Variants in ANXA9 observed in about 807,000 individuals in gnomAD.
ANXA9 encodes annexin 31.
A neutral mutation model predicts 51.8 loss-of-function variants in ANXA9; 47 were observed. The ratio of observed to expected loss-of-function variants is 0.91; its 90% confidence interval spans 0.72 to 1.16. ANXA9 has a LOEUF of 1.16. Among genes scored for constraint, ANXA9 ranks in the 50% most tolerant of loss-of-function variants. The probability of loss-of-function intolerance (pLI) is 0.00; values close to 1 mark genes in which losing one functional copy is unlikely to be tolerated. For synonymous variants in ANXA9, 154 were observed against 168.7 expected, an observed-to-expected ratio of 0.91 and a Z score of 0.68; for missense variants, 361 against 424.7, an observed-to-expected ratio of 0.85 and a Z score of 1.32.
chr1:150,978,921 G>A (rs182906664), upstream of ANXA9, among the ~76,000 whole-genome samples: 5 of 151,970 alleles, frequency 3.3e-5, no homozygotes, highest in Admixed American at 6.6e-5. Context: ...CCGAGATCGC[G>A]CCATTGCACT....
chr1:150,984,159 C>A (rs1671492710), intron 5 of ANXA9, 90 bp downstream of exon 5: 2 of 1,533,974 alleles, frequency 1.3e-6, no homozygotes, highest in East Asian at 4.5e-5. Flanking sequence ...TGAGGCCAGC[C>A]CCTGCTTCCT....
chr1:150,988,260 C>T (rs1374766008), intron 11 of ANXA9, 23 bp from the exon 12 acceptor site: 1 of 1,614,120 alleles, frequency 6.2e-7, no homozygotes, highest in Admixed American at 1.7e-5. Flanking sequence ...TGTGAACCTC[C>T]ATCCTTCCAT....
intron 12 of ANXA9, among the ~76,000 whole-genome samples, chr1:150,989,082 C>A (rs1042053667): frequency 1.3e-5 from 2 of 151,634 alleles, no homozygotes; most frequent in Non-Finnish European, 2.9e-5. Flanking sequence ...TGGATTCAAG[C>A]GATTTTCCTG....
At position 150,983,200 on chromosome 1, in the gene ANXA9, T is replaced by C; in HGVS notation, c.75+20T>C. On this transcript the variant is annotated intron_variant, in intron 3 of 13. Coordinates refer to ENST00000368947, the MANE Select transcript of ANXA9 (RefSeq NM_003568.3). ...AGCAAGGTAGGGGCTGTTGGGATTT[T>C]AGAGATCACTTTTAGTATCTCAGCT... The C allele has an allele frequency of 6.2e-7, 1 of 1,612,784 alleles. No individual in the cohort carries two copies. The highest frequency in any genetic ancestry group is 8.5e-7 in the Non-Finnish European group (1 of 1,179,156).
At position 150,994,626 on chromosome 1, in the gene ANXA9, G is replaced by A. The variant is rs1558042352; in HGVS notation, c.902G>A (p.Cys301Tyr). The A allele has an allele frequency of 6.2e-7, 1 of 1,614,062 alleles. No individual in the cohort carries two copies. Among genetic ancestry groups the A allele is most frequent in the Admixed American group, 1.7e-5 (1 of 60,010 alleles). The stretch of plus-strand genomic sequence containing the variant: ...CTGATTCGCATCCTTATCTCTCGAT[G>A]TGAGACTGACCTTCTGAGTATCAGA... ...QVLIRILISR[C>Y]ETDLLSIRAE... Residue 301 changes from cysteine (C) to tyrosine (Y), a missense_variant, in exon 13 of 14, where the codon TGT becomes TAT. Cys to Tyr is a radical substitution (Grantham distance 194). Transcript: ENST00000368947.
intron 7 of ANXA9, 66 bp downstream of exon 7, chr1:150,984,742 C>A: frequency 7.2e-7 from 1 of 1,388,158 alleles, no homozygotes; most frequent in Non-Finnish European, 1.0e-6. Context: ...CACTCCTCTC[C>A]TGTACTCCCC....
At chr1:150,989,506 C>T (rs966030827) in intron 12 of ANXA9, among the ~76,000 whole-genome samples, 4 of 151,862 alleles carry the variant, frequency 2.6e-5, no homozygotes, top group Non-Finnish European at 5.9e-5. Context: ...GCCTGGCCAA[C>T]GTGGTGAAAC....
chr1:150,984,359 C>G lies in ANXA9; in HGVS notation c.346C>G (p.Gln116Glu). The G allele has an allele frequency of 2.5e-6, 4 of 1,614,170 alleles. No homozygotes were observed. Among genetic ancestry groups the G allele is most frequent in the Non-Finnish European group, 1.7e-6 (2 of 1,180,038 alleles). The change falls in exon 6 of 14, where the codon CAG becomes GAG. Residue 116 changes from glutamine to glutamate, a missense_variant. Transcript: ENST00000368947. ...GATGGCTCTGCTGCAGCCCACAGCC[C>G]AGTTTGACGCCCAGGAATTGAGGAC... ...IVMALLQPTA[Q>E]FDAQELRTAL... is the part of the protein sequence containing the mutation.
chr1:150,993,671 C>G (rs1052703100), intron 12 of ANXA9, among the ~76,000 whole-genome samples: 2 of 108,004 alleles, frequency 1.9e-5, no homozygotes, highest in African/African-American at 3.6e-5. Context: ...TTTTGCTCTT[C>G]TTGCCCAGGT....
Position 150,987,967 on chromosome 1 carries a change from GC to G in ANXA9, c.697+13del, listed in dbSNP as rs1217786657. On this transcript the variant is annotated intron_variant, in intron 10 of 13. Coordinates refer to ENST00000368947, the MANE Select transcript of ANXA9 (RefSeq NM_003568.3). ...AACACCTCATCCGAGGTACACACAA[GC>G]CTTCTTGTCCCCCTAGCTTGCTCTA... The G allele has an allele frequency of 2.5e-6, 4 of 1,613,992 alleles. No individual in the cohort carries two copies. The highest frequency in any genetic ancestry group is 3.3e-5 in the Admixed American group (2 of 59,964).
At chr1:150,985,972 A>C in intron 7 of ANXA9, among the ~76,000 whole-genome samples, 1 of 148,170 alleles carries the variant, frequency 6.7e-6, no homozygotes, top group Non-Finnish European at 1.5e-5. Flanking sequence ...CTCATATCCC[A>C]CCTCTCATAT....
rs587605253 is a variant in ANXA9 at position 150,990,705 on chromosome 1, G to C, written c.852+2364G>C. Among the ~76,000 whole-genome samples, 4 of 152,272 alleles carry C rather than the reference G, an allele frequency of 2.6e-5. 1 individual carries two copies. The South Asian group carries it at 8.3e-4, about 32-fold the overall frequency. On this transcript the variant is annotated intron_variant, in intron 12 of 13. Coordinates refer to ENST00000368947, the MANE Select transcript of ANXA9 (RefSeq NM_003568.3). ...CTACTAAAAATACAAAAATTAGCCA[G>C]GGGGTAGTGGTGAGCGCCTGTAATC...
chr1:150,981,594 A>G (rs1191817900), upstream of ANXA9, among the ~76,000 whole-genome samples: 1 of 152,226 alleles, frequency 6.6e-6, no homozygotes, highest in African/African-American at 2.4e-5. Context: ...AACAGAAGCA[A>G]TCTAAGAAAC....
chr1:150,985,897 TC>T (rs1240575395), intron 7 of ANXA9, among the ~76,000 whole-genome samples: 3 of 151,960 alleles, frequency 2.0e-5, no homozygotes, highest in Non-Finnish European at 4.4e-5. Flanking sequence ...TCTCCTACCT[TC>T]CTTCCTTCTT....
rs16832602 is a variant in ANXA9 at position 150,984,368 on chromosome 1, G to A, written c.355G>A (p.Ala119Thr). 1,335 of 1,614,170 alleles carry A rather than the reference G, an allele frequency of 8.3e-4. 16 individuals carry two copies. The African/African-American group carries it at 0.016, about 19-fold the overall frequency. The change falls in exon 6 of 14, where the codon GCC becomes ACC. Residue 119 changes from alanine (A) to threonine (T), a missense_variant. By Grantham distance (58) the Ala-to-Thr change is moderately conservative (BLOSUM62 0). Coordinates refer to ENST00000368947, the MANE Select transcript of ANXA9 (RefSeq NM_003568.3). ...ALLQPTAQFD[A>T]QELRTALKAS... ...GCTGCAGCCCACAGCCCAGTTTGAC[G>A]CCCAGGAATTGAGGACAGCTCTGAA...
intron 4 of ANXA9, among the ~76,000 whole-genome samples, chr1:150,983,698 G>A (rs1022038736): frequency 2.6e-5 from 4 of 152,168 alleles, no homozygotes; most frequent in East Asian, 1.9e-4. Context: ...AGCTCATGAC[G>A]GAGGTGGTAT....
upstream of ANXA9, among the ~76,000 whole-genome samples, chr1:150,980,598 G>T (rs1238882311): frequency 1.9e-4 from 17 of 88,792 alleles, no homozygotes; most frequent in South Asian, 4.4e-4. Context: ...TTTTTTTTGA[G>T]ACGGAGTCTC....
At chr1:150,992,864 C>T (rs1347751432) in intron 12 of ANXA9, among the ~76,000 whole-genome samples, 1 of 152,120 alleles carries the variant, frequency 6.6e-6, no homozygotes, top group African/African-American at 2.4e-5. Flanking sequence ...AATTCTGTAA[C>T]TTTAGAGTAA....
rs192127610 is a variant in ANXA9, at chr1:150,989,992, T to A, written c.852+1651T>A. Among the ~76,000 whole-genome samples, 15 of 152,188 alleles carry A rather than the reference T, an allele frequency of 9.9e-5. No individual in the cohort carries two copies. The East Asian group carries it at 2.5e-3, about 26-fold the overall frequency. ...ATTACAAGACCCACACTCTTGAGTG[T>A]AGATAAAAGATTTATCTTAGAAGTA... On this transcript the variant is annotated intron_variant, in intron 12 of 13. Coordinates refer to ENST00000368947, the MANE Select transcript of ANXA9 (RefSeq NM_003568.3).
Sources: allele counts gnomAD v4.1 joint callset (sites outside exome capture counted in the v4.1 genomes callset), GRCh38; gene constraint gnomAD v4.1.1; transcripts MANE v1.5; gene names NCBI Gene and HGNC (gene_info 2026-07-23, HGNC 2026-07-21).